LINGO2: variants seen among roughly 807,000 people sequenced by gnomAD.
LINGO2 encodes the protein leucine rich repeat and Ig domain containing 2, also known as leucine-rich repeat and immunoglobulin-like domain-containing nogo receptor-interacting protein 2.
In LINGO2, 14 loss-of-function variants were observed where a neutral mutation model predicts 30.6. The ratio of observed to expected loss-of-function variants is 0.46; its 90% confidence interval spans 0.30 to 0.72. LINGO2 has a LOEUF of 0.72. Ranked by LOEUF, LINGO2 falls within the 30% of genes least tolerant of loss-of-function variation. LINGO2 has a pLI of 0.07. For synonymous variants in LINGO2, 317 were observed against 288.5 expected, an observed-to-expected ratio of 1.10 and a Z score of -1.00; for missense variants, 729 against 751.7, an observed-to-expected ratio of 0.97 and a Z score of 0.35.
the LINGO2 span, among the ~76,000 whole-genome samples, chr9:28,899,188 T>A: frequency 6.6e-6 from 1 of 152,122 alleles, no homozygotes; most frequent in African/African-American, 2.4e-5. Context: ...CATTGCCCCG[T>A]CCCCAAACCC....
chr9:28,813,674 A>G, the LINGO2 span, among the ~76,000 whole-genome samples: 1,228 of 152,326 alleles, frequency 8.1e-3, 13 homozygotes, highest in Non-Finnish European at 0.012. Flanking sequence ...TAAACAGACA[A>G]ACAAGGTAAT....
chr9:28,848,402 T>TAC, the LINGO2 span, among the ~76,000 whole-genome samples: 38 of 39,018 alleles, frequency 9.7e-4, no homozygotes, highest in South Asian at 0.031. Context: ...TGTGTGTATA[T>TAC]ATATATATAT....
the LINGO2 span, among the ~76,000 whole-genome samples, chr9:29,079,343 T>A: frequency 6.6e-6 from 1 of 151,912 alleles, no homozygotes; most frequent in Non-Finnish European, 1.5e-5. Context: ...TATCTATTAA[T>A]AAAAGGAAAC....
intron 1 of LINGO2, among the ~76,000 whole-genome samples, chr9:28,523,894 C>CTT (rs1165400056): frequency 7.2e-6 from 1 of 138,350 alleles, no homozygotes; most frequent in African/African-American, 2.6e-5. Context: ...ACACAGTTGG[C>CTT]TTTTTTTTTT....
At chr9:28,505,785 T>C (rs567590790) in intron 1 of LINGO2, among the ~76,000 whole-genome samples, 1 of 152,064 alleles carries the variant, frequency 6.6e-6, no homozygotes, top group Non-Finnish European at 1.5e-5. Flanking sequence ...ATATGCTTTA[T>C]ATATCAACAC....
At chr9:28,523,265 A>G (rs554844528) in intron 1 of LINGO2, among the ~76,000 whole-genome samples, 57 of 152,260 alleles carry the variant, frequency 3.7e-4, no homozygotes, top group Non-Finnish European at 7.1e-4. Flanking sequence ...AAAAATTAAC[A>G]TGCTTTCATG....
chr9:28,035,597 A>G (rs1025165498), intron 4 of LINGO2, among the ~76,000 whole-genome samples: 2 of 152,328 alleles, frequency 1.3e-5, no homozygotes, highest in African/African-American at 4.8e-5. Flanking sequence ...GGTAAATGTT[A>G]TGCAGTTTTA....
chr9:27,952,497 TA>T (rs1161142387), intron 5 of LINGO2, among the ~76,000 whole-genome samples: 1 of 151,624 alleles, frequency 6.6e-6, no homozygotes, highest in African/African-American at 2.4e-5. Flanking sequence ...TCAGAAACAG[TA>T]AAAAAATTAT....
chr9:28,036,315 C>T (rs979149661), intron 4 of LINGO2, among the ~76,000 whole-genome samples: 2 of 152,076 alleles, frequency 1.3e-5, no homozygotes, highest in East Asian at 1.9e-4. Context: ...TTACTAAAAG[C>T]GAAAGGATAC....
In LINGO2 at chr9:28,198,469, GC is replaced by G. The variant is rs527262769; in HGVS notation, c.-87+96738del. Among the ~76,000 whole-genome samples, 12 of 152,212 alleles carry G rather than the reference GC, an allele frequency of 7.9e-5. No individual in the cohort carries two copies. In the East Asian group the frequency reaches 2.3e-3, roughly 29 times the overall value. On this transcript the variant is annotated intron_variant, in intron 4 of 5. Coordinates refer to ENST00000379992, the Ensembl canonical transcript of LINGO2. ...TTTACTTTTCAACAATCATACTTTT[GC>G]TTTTCAATTTCTTTCCTTTGCATAT...
chr9:28,530,161 G>A (rs1187940360), intron 1 of LINGO2, among the ~76,000 whole-genome samples: 2 of 152,000 alleles, frequency 1.3e-5, no homozygotes, highest in Non-Finnish European at 2.9e-5. Context: ...CATATGAGAT[G>A]AGAAATCATT....
intron 4 of LINGO2, among the ~76,000 whole-genome samples, chr9:28,061,193 C>T (rs1825132719): frequency 6.7e-6 from 1 of 148,684 alleles, no homozygotes; most frequent in Admixed American, 6.8e-5. Flanking sequence ...AACCTGGCAT[C>T]TAGTATGTTT....
chr9:29,058,646 C>T, the LINGO2 span, among the ~76,000 whole-genome samples: 1 of 151,368 alleles, frequency 6.6e-6, no homozygotes, highest in Non-Finnish European at 1.5e-5. Flanking sequence ...GAAAACCATA[C>T]CAAGGCACAT....
the LINGO2 span, among the ~76,000 whole-genome samples, chr9:29,012,508 G>A: frequency 6.6e-6 from 1 of 152,044 alleles, no homozygotes; most frequent in Non-Finnish European, 1.5e-5. Context: ...CAGCAGAACC[G>A]TTCTCACTTG....
chr9:28,187,039 G>C (rs892840951), intron 4 of LINGO2, among the ~76,000 whole-genome samples: 2 of 152,118 alleles, frequency 1.3e-5, no homozygotes, highest in African/African-American at 4.8e-5. Context: ...GAAGGAAATC[G>C]ATGGTAGACA....
At chr9:28,970,771 T>C in the LINGO2 span, among the ~76,000 whole-genome samples, 1 of 152,178 alleles carries the variant, frequency 6.6e-6, no homozygotes, top group Non-Finnish European at 1.5e-5. Flanking sequence ...TAAAGTGCTA[T>C]GGATCTCTGA....
At chr9:28,181,394 C>T (rs1828906613) in intron 4 of LINGO2, among the ~76,000 whole-genome samples, 1 of 152,162 alleles carries the variant, frequency 6.6e-6, no homozygotes, top group Non-Finnish European at 1.5e-5. Flanking sequence ...ATTTTCTAGG[C>T]AAAGGCTCAG....
chr9:29,025,153 G>GA, the LINGO2 span, among the ~76,000 whole-genome samples: 18 of 147,780 alleles, frequency 1.2e-4, no homozygotes, highest in Middle Eastern at 3.4e-3. Flanking sequence ...AAAAGGAGGA[G>GA]AAAAAAACAG....
chr9:28,396,128 C>T (rs902990183), intron 2 of LINGO2, among the ~76,000 whole-genome samples: 4 of 152,048 alleles, frequency 2.6e-5, no homozygotes, highest in Admixed American at 6.6e-5. Context: ...TTTCCTCCCA[C>T]GAAATGTAGA....
Sources: gnomAD v4.1 joint callset for allele counts (sites outside exome capture counted in the v4.1 genomes callset) on GRCh38, gnomAD v4.1.1 for gene constraint, MANE v1.5 for transcripts, NCBI Gene and HGNC (gene_info 2026-07-23, HGNC 2026-07-21) for gene names.